FBXO31: variants seen among roughly 807,000 people sequenced by gnomAD.
FBXO31 encodes the protein F-box only protein 31.
Under a neutral mutation model 54.4 loss-of-function variants are expected in FBXO31, and 24 were observed. The ratio of observed to expected loss-of-function variants is 0.44; its 90% CI spans 0.32 to 0.62. The LOEUF is 0.62. Among genes scored for constraint, FBXO31 ranks in the 20% least tolerant of loss-of-function variants. The probability of loss-of-function intolerance (pLI) is 0.05; values close to 1 mark genes in which losing one functional copy is unlikely to be tolerated. For missense variants in FBXO31, 665 were observed against 787.1 expected, an observed-to-expected ratio of 0.84 and a Z score of 1.86; for synonymous variants, 388 against 335.6, an observed-to-expected ratio of 1.16 and a Z score of -1.71.
Position 87,338,406 on chromosome 16 carries a change from C to T in FBXO31, c.733-2142G>A, listed in dbSNP as rs1336937563. ...GGCTGCTTGAAACAGGAGCATGGCC[C>T]ATCCTCCCTTCTCTGCTCCTTTCAC... On this transcript the variant is annotated intron_variant, in intron 5 of 8. Transcript: ENST00000311635. The surrounding 1 kb of genome is among the most constrained non-coding windows in gnomAD (Gnocchi z 4.3). Among the ~76,000 whole-genome samples, 2 of 148,686 alleles carry T rather than the reference C, an allele frequency of 1.3e-5. No homozygotes were observed. Among genetic ancestry groups the T allele is most frequent in the African/African-American group, 5.0e-5 (2 of 40,328 alleles).
rs779862469 is a variant in FBXO31 at position 87,342,691 on chromosome 16, C to T, written c.732+186G>A. On this transcript the variant is annotated intron_variant, in intron 5 of 8. Coordinates refer to ENST00000311635, the MANE Select transcript of FBXO31 (RefSeq NM_024735.5). ...GGAGGGGACCGGCAACCTGCCCGCC[C>T]GCACGATGCTGTTCCTCGAGTGTGC... 6.6e-5 allele frequency among the ~76,000 whole-genome samples: 10 copies of T among 152,234 alleles called. 1 individual carries two copies. The highest frequency in any genetic ancestry group is 5.9e-5 in the Non-Finnish European group (4 of 68,038).
intron 2 of FBXO31, among the ~76,000 whole-genome samples, chr16:87,351,969 G>A (rs1351046166): frequency 6.6e-6 from 1 of 152,174 alleles, no homozygotes; most frequent in Non-Finnish European, 1.5e-5. Flanking sequence ...AATCACTAGG[G>A]ACACGAGAAA....
At chr16:87,389,219 A>G (rs560164992) in intron 1 of FBXO31, among the ~76,000 whole-genome samples, 4 of 152,322 alleles carry the variant, frequency 2.6e-5, no homozygotes, top group African/African-American at 9.6e-5. Context: ...CCTATGAGCC[A>G]TCTTTAAACC....
intron 2 of FBXO31, among the ~76,000 whole-genome samples, chr16:87,354,168 T>C (rs1905791752): frequency 6.6e-6 from 1 of 152,260 alleles, no homozygotes; most frequent in African/African-American, 2.4e-5. Context: ...GAGTTTTACA[T>C]ATTTTAAAAA....
At position 87,383,347 on chromosome 16, in the gene FBXO31, GC is replaced by G; in HGVS notation, c.340+57del. ...CGCCCCCGCCACTCCCAGCTCCGAG[GC>G]CTCCACCTGGCAGGGACCCCCCGCC... On this transcript the variant is annotated intron_variant, in intron 1 of 8. Coordinates refer to ENST00000311635, the MANE Select transcript of FBXO31 (RefSeq NM_024735.5). This position sits in a 1 kb window ranked among gnomAD's most constrained non-coding sequence, Gnocchi z 4.9. 7.1e-7 allele frequency: 1 copy of G among 1,403,124 alleles called. No homozygotes were observed. The allele number at this position is 1,403,124 out of a possible 1,614,324, so 86.9% of individuals were successfully genotyped here. A position where few individuals can be genotyped will look rare whatever the true frequency, so the allele number is the denominator to read the frequency against.
intron 5 of FBXO31, among the ~76,000 whole-genome samples, chr16:87,341,836 A>G (rs1435044336): frequency 2.0e-5 from 3 of 152,178 alleles, no homozygotes; most frequent in African/African-American, 7.2e-5. Context: ...GAATTCCGAG[A>G]AACAGGACAT....
chr16:87,367,968 C>G (rs1214438912), intron 1 of FBXO31: 1 of 152,146 alleles, frequency 6.6e-6, no homozygotes, highest in South Asian at 2.1e-4. Context: ...ATGCACGTAG[C>G]CTTTTATTAA....
intron 1 of FBXO31, among the ~76,000 whole-genome samples, chr16:87,372,820 C>T (rs942299844): frequency 2.0e-5 from 3 of 151,268 alleles, no homozygotes; most frequent in Admixed American, 6.6e-5. Flanking sequence ...GCAACCTCTG[C>T]CTCCTGGGTT....
intron 1 of FBXO31, among the ~76,000 whole-genome samples, chr16:87,374,879 T>C (rs1310400796): frequency 1.3e-5 from 2 of 152,206 alleles, no homozygotes; most frequent in Non-Finnish European, 2.9e-5. Flanking sequence ...CTTCATGAAG[T>C]AGCTCATAAA....
intron 1 of FBXO31, among the ~76,000 whole-genome samples, chr16:87,374,403 T>C (rs911777154): frequency 2.0e-5 from 3 of 152,158 alleles, no homozygotes; most frequent in Non-Finnish European, 4.4e-5. Context: ...AATCGCTTTA[T>C]TGTATAATAA....
At chr16:87,362,041 G>A (rs1010120369) in intron 1 of FBXO31, among the ~76,000 whole-genome samples, 10 of 149,838 alleles carry the variant, frequency 6.7e-5, no homozygotes, top group Middle Eastern at 3.4e-3. Context: ...GCGAGGAGAC[G>A]CATTTTAGTT....
chr16:87,375,960 G>C (rs1248128488), intron 1 of FBXO31, among the ~76,000 whole-genome samples: 1 of 152,172 alleles, frequency 6.6e-6, no homozygotes, highest in East Asian at 1.9e-4. Flanking sequence ...GGGCCAGAGA[G>C]GCCACAGTAG....
At chr16:87,348,726 A>G (rs961226279) in intron 2 of FBXO31, among the ~76,000 whole-genome samples, 7 of 152,168 alleles carry the variant, frequency 4.6e-5, no homozygotes, top group African/African-American at 1.7e-4. Flanking sequence ...GCTGGGAGCC[A>G]TCATATGAGG....
At position 87,383,631 on chromosome 16, in the gene FBXO31, G is replaced by T. The variant is rs1213474594; in HGVS notation, c.114C>A (p.Asp38Glu). 5.6e-6 allele frequency: 8 copies of T among 1,421,284 alleles called. No individual in the cohort carries two copies. Among genetic ancestry groups the T allele is most frequent in the Non-Finnish European group, 7.3e-6 (8 of 1,092,058 alleles). 88.0% of individuals were successfully genotyped at this position (1,421,284 alleles called of 1,614,324 possible). A position where few individuals can be genotyped will look rare whatever the true frequency, so the allele number is the denominator to read the frequency against. Reference sequence around the variant, plus strand: ...TAGCCTCGATGCGCTCCTCCTCGGGGTCTGTGTCCGGCTCGCTGTCGGCCG... The same window carrying T: ...TAGCCTCGATGCGCTCCTCCTCGGGTTCTGTGTCCGGCTCGCTGTCGGCCG... ...TAAADSEPDT[D>E]PEEERIEASA... Residue 38 changes from aspartate to glutamate, a missense_variant, in exon 1 of 9, where the codon GAC becomes GAA. Coordinates refer to ENST00000311635, the MANE Select transcript of FBXO31 (RefSeq NM_024735.5). This position sits in a 1 kb window ranked among gnomAD's most constrained non-coding sequence, Gnocchi z 4.9.
intron 1 of FBXO31, among the ~76,000 whole-genome samples, chr16:87,380,709 A>G (rs958692207): frequency 6.6e-6 from 1 of 152,214 alleles, no homozygotes; most frequent in Non-Finnish European, 1.5e-5. Context: ...TTGGGTGAAC[A>G]AGATGCTTTC....
chr16:87,376,207 C>A (rs776022856), intron 1 of FBXO31, among the ~76,000 whole-genome samples: 1 of 152,102 alleles, frequency 6.6e-6, no homozygotes, highest in Admixed American at 6.6e-5. Context: ...GGCAGAGGTT[C>A]CCTTTTTCCC....
intron 2 of FBXO31, among the ~76,000 whole-genome samples, chr16:87,354,336 G>A (rs1330907455): frequency 1.3e-5 from 2 of 152,052 alleles, no homozygotes; most frequent in African/African-American, 2.4e-5. Context: ...TTAGCCAGGT[G>A]TGGTGGCACA....
chr16:87,370,411 C>G (rs889602), intron 1 of FBXO31, among the ~76,000 whole-genome samples: 61,653 of 152,242 alleles, frequency 0.4, 15,958 homozygotes, highest in East Asian at 1. Context: ...AAAGGCACCA[C>G]ACTAAGATGC....
intron 2 of FBXO31, among the ~76,000 whole-genome samples, chr16:87,359,153 A>C (rs907679460): frequency 1.3e-5 from 2 of 152,232 alleles, no homozygotes; most frequent in African/African-American, 4.8e-5. Flanking sequence ...CGGGGAATAA[A>C]CACTGTCGGA....
Sources: allele counts gnomAD v4.1 joint callset (sites outside exome capture counted in the v4.1 genomes callset), GRCh38; gene constraint gnomAD v4.1.1; non-coding constraint Gnocchi (gnomAD v3.1); transcripts MANE v1.5; gene names NCBI Gene and HGNC (gene_info 2026-07-23, HGNC 2026-07-21).